Variants in CHSY3 observed in about 807,000 individuals in gnomAD.
The protein encoded by CHSY3 is chondroitin sulfate synthase 3.
CHSY3 carries 35 observed loss-of-function variants against 67.2 expected under a neutral mutation model. That is an observed-to-expected ratio of 0.52 (90% CI 0.40 to 0.69). The LOEUF (loss-of-function observed/expected upper bound fraction) is 0.69. CHSY3 is among the 30% of genes least tolerant of loss of function. The pLI, the probability that CHSY3 is intolerant of heterozygous loss-of-function variation, is 0.00. For missense variants in CHSY3, 1,069 were observed against 1,138.5 expected (o/e 0.94, Z 0.88); for synonymous variants, 474 against 434.7 (o/e 1.09, Z -1.12).
At chr5:130,037,138 A>G (rs1166385476) in intron 2 of CHSY3, among the ~76,000 whole-genome samples, 1 of 152,150 alleles carries the variant, frequency 6.6e-6, no homozygotes, top group Non-Finnish European at 1.5e-5. Context: ...TGGGATAGCA[A>G]GGAGGCAAAT....
At chr5:130,109,859 T>G (rs1159952942) in intron 2 of CHSY3, among the ~76,000 whole-genome samples, 2 of 151,870 alleles carry the variant, frequency 1.3e-5, no homozygotes, top group African/African-American at 4.8e-5. Flanking sequence ...CACTGTCATC[T>G]TGTTTAAACC....
chr5:130,111,882 CAT>C (rs74273256), intron 2 of CHSY3, among the ~76,000 whole-genome samples: 3,581 of 152,152 alleles, frequency 0.024, 67 homozygotes, highest in Non-Finnish European at 0.038. Context: ...TTAACACACA[CAT>C]ACCGGACTTA....
intron 2 of CHSY3, among the ~76,000 whole-genome samples, chr5:129,928,478 G>A (rs1353698125): frequency 2.6e-5 from 4 of 151,952 alleles, no homozygotes; most frequent in Non-Finnish European, 5.9e-5. Context: ...AAATTTAGGT[G>A]AGTCTCTGCA....
intron 2 of CHSY3, among the ~76,000 whole-genome samples, chr5:130,111,183 T>C (rs1767581799): frequency 6.6e-6 from 1 of 152,118 alleles, no homozygotes; most frequent in Non-Finnish European, 1.5e-5. Flanking sequence ...TTCAGTCAAG[T>C]ACAAATCCCC....
intron 2 of CHSY3, among the ~76,000 whole-genome samples, chr5:129,971,856 G>A (rs114085296): frequency 8.2e-4 from 124 of 152,108 alleles, no homozygotes; most frequent in African/African-American, 2.8e-3. Flanking sequence ...CATGAGACTT[G>A]TCTCCAAGGC....
At chr5:130,154,103 G>T (rs1395184441) in intron 2 of CHSY3, among the ~76,000 whole-genome samples, 1 of 152,122 alleles carries the variant, frequency 6.6e-6, no homozygotes. Context: ...TTTTAGTAGA[G>T]ACAGGGTTTC....
intron 2 of CHSY3, among the ~76,000 whole-genome samples, chr5:130,068,337 G>T (rs1765951073): frequency 6.6e-6 from 1 of 152,126 alleles, no homozygotes; most frequent in Admixed American, 6.6e-5. Flanking sequence ...TCCCTCTGCT[G>T]CATTGAATTG....
chr5:129,946,949 T>C (rs1761873630), intron 2 of CHSY3, among the ~76,000 whole-genome samples: 1 of 152,204 alleles, frequency 6.6e-6, no homozygotes, highest in South Asian at 2.1e-4. Context: ...AGATGTGGGA[T>C]TGCTGGATCA....
chr5:130,078,818 G>A (rs1251410570), intron 2 of CHSY3, among the ~76,000 whole-genome samples: 2 of 152,176 alleles, frequency 1.3e-5, no homozygotes, highest in Non-Finnish European at 2.9e-5. Context: ...AAGAAGACAG[G>A]CAGCTGTTGA....
At chr5:130,052,366 G>A (rs1222573581) in intron 2 of CHSY3, among the ~76,000 whole-genome samples, 1 of 152,132 alleles carries the variant, frequency 6.6e-6, no homozygotes, top group African/African-American at 2.4e-5. Flanking sequence ...CTTGTGATCA[G>A]GTACCTTCTC....
At chr5:130,009,635 A>G (rs563696078) in intron 2 of CHSY3, among the ~76,000 whole-genome samples, 8 of 152,348 alleles carry the variant, frequency 5.3e-5, no homozygotes, top group Non-Finnish European at 8.8e-5. Context: ...AAATACACAT[A>G]TATCAATATT....
chr5:129,928,629 T>G (rs1761193513), intron 2 of CHSY3, among the ~76,000 whole-genome samples: 2 of 152,116 alleles, frequency 1.3e-5, no homozygotes, highest in Non-Finnish European at 2.9e-5. Flanking sequence ...ATTTCTACCT[T>G]CTTTCATTAT....
chr5:130,085,854 C>T (rs1022900632), intron 2 of CHSY3, among the ~76,000 whole-genome samples: 1 of 152,110 alleles, frequency 6.6e-6, no homozygotes, highest in Non-Finnish European at 1.5e-5. Flanking sequence ...TTTCTGCCTT[C>T]ATTTCGTTAT....
intron 2 of CHSY3, among the ~76,000 whole-genome samples, chr5:129,953,511 G>C (rs1327782448): frequency 6.6e-6 from 1 of 152,154 alleles, no homozygotes; most frequent in East Asian, 1.9e-4. Flanking sequence ...GGGATTGCTA[G>C]GTCAAATGGT....
At chr5:129,930,133 G>C (rs1581376703) in intron 2 of CHSY3, among the ~76,000 whole-genome samples, 1 of 151,998 alleles carries the variant, frequency 6.6e-6, no homozygotes, top group African/African-American at 2.4e-5. Flanking sequence ...CAGGAGTTGA[G>C]ACCATCCTGG....
intron 2 of CHSY3, among the ~76,000 whole-genome samples, chr5:130,099,555 A>G (rs945990455): frequency 6.6e-6 from 1 of 152,218 alleles, no homozygotes; most frequent in African/African-American, 2.4e-5. Context: ...AATGTGTGAG[A>G]ATGATTCTAT....
chr5:130,150,720 C>T (rs1197611685), intron 2 of CHSY3, among the ~76,000 whole-genome samples: 1 of 152,074 alleles, frequency 6.6e-6, no homozygotes, highest in Non-Finnish European at 1.5e-5. Flanking sequence ...ACATTAGCAC[C>T]GATGTCCTTA....
chr5:130,067,607 A>G (rs903210309), intron 2 of CHSY3, among the ~76,000 whole-genome samples: 36 of 152,134 alleles, frequency 2.4e-4, no homozygotes, highest in Admixed American at 1.3e-4. Flanking sequence ...TTGGACTTTT[A>G]TAAGAGAAAA....
At chr5:130,128,226 TGTG>T (rs1199447159) in intron 2 of CHSY3, among the ~76,000 whole-genome samples, 2 of 95,528 alleles carry the variant, frequency 2.1e-5, no homozygotes, top group East Asian at 3.2e-4. Flanking sequence ...AAGAAGAAAA[TGTG>T]GTGTGTGTGT....
Sources: allele counts gnomAD v4.1 joint callset (sites outside exome capture counted in the v4.1 genomes callset), GRCh38; gene constraint gnomAD v4.1.1; transcripts MANE v1.5; gene names NCBI Gene and HGNC (gene_info 2026-07-23, HGNC 2026-07-21).